The following CNGB3 variants were observed in gnomAD, a reference collection of about 807,000 sequenced individuals.
CNGB3 encodes the protein cyclic nucleotide gated channel subunit beta 3.
A neutral mutation model predicts 92.8 loss-of-function variants in CNGB3; 86 were observed. The observed-to-expected ratio is 0.93, with a 90% CI of 0.78 to 1.11. The LOEUF (loss-of-function observed/expected upper bound fraction) is 1.11. CNGB3 is among the 50% of genes least tolerant of loss of function. The pLI is 0.00. For synonymous variants in CNGB3, 333 were observed against 332.7 expected (o/e 1.00, Z -0.01); for missense variants, 1,026 against 956.8 (o/e 1.07, Z -0.95).
At chr8:86,604,269 T>A in intron 14 of CNGB3, 58 bp from the exon 15 acceptor site, 1 of 1,076,352 alleles carries the variant, frequency 9.3e-7, no homozygotes, top group Non-Finnish European at 1.4e-6. Context: ...AATTATGCTG[T>A]AAATTAAGAA....
chr8:86,584,127 A>G (rs568299204), intron 15 of CNGB3, among the ~76,000 whole-genome samples: 13 of 152,264 alleles, frequency 8.5e-5, no homozygotes, highest in Non-Finnish European at 1.8e-4. Flanking sequence ...TACCCCATCT[A>G]TCTATGTATC....
intron 7 of CNGB3, among the ~76,000 whole-genome samples, chr8:86,649,019 A>G (rs1296062971): frequency 1.3e-5 from 2 of 151,350 alleles, no homozygotes; most frequent in Non-Finnish European, 1.5e-5. Context: ...ACATACAAAA[A>G]TGACCAAGCT....
chr8:86,685,776 T>G (rs992229747), intron 3 of CNGB3, among the ~76,000 whole-genome samples: 6 of 152,236 alleles, frequency 3.9e-5, no homozygotes, highest in African/African-American at 1.4e-4. Context: ...GAGCTTTAAA[T>G]AGTCAGTATT....
At chr8:86,674,755 T>C (rs1307588024) in intron 3 of CNGB3, among the ~76,000 whole-genome samples, 1 of 152,122 alleles carries the variant, frequency 6.6e-6, no homozygotes, top group Non-Finnish European at 1.5e-5. Flanking sequence ...ACAATTTAAC[T>C]TTTGTGTGTG....
intron 6 of CNGB3, chr8:86,659,053 C>G (rs3779795): frequency 0.06 from 55,625 of 924,480 alleles, 1,956 homozygotes; most frequent in South Asian, 0.088. Context: ...TGCTCCACCT[C>G]AGAGGGCCCT....
intron 3 of CNGB3, among the ~76,000 whole-genome samples, chr8:86,685,142 A>G (rs1824161639): frequency 6.6e-6 from 1 of 152,086 alleles, no homozygotes; most frequent in Admixed American, 6.6e-5. Flanking sequence ...GGTATATGGG[A>G]TATTTCTGTA....
chr8:86,618,562 G>A (rs1195207379), intron 13 of CNGB3, among the ~76,000 whole-genome samples: 1 of 152,192 alleles, frequency 6.6e-6, no homozygotes, highest in Non-Finnish European at 1.5e-5. Context: ...CATGGCTGCA[G>A]TAGCTGGGCA....
chr8:86,685,459 C>T (rs1178523957), intron 3 of CNGB3, among the ~76,000 whole-genome samples: 2 of 152,070 alleles, frequency 1.3e-5, no homozygotes, highest in Non-Finnish European at 2.9e-5. Flanking sequence ...AGGAGTCTTG[C>T]AATTTTATAT....
intron 13 of CNGB3, among the ~76,000 whole-genome samples, chr8:86,621,347 G>T (rs1223539063): frequency 6.6e-6 from 1 of 152,016 alleles, no homozygotes; most frequent in Non-Finnish European, 1.5e-5. Flanking sequence ...TTTTCATTGT[G>T]CTTAGTACAC....
intron 14 of CNGB3, among the ~76,000 whole-genome samples, chr8:86,605,714 G>A (rs895103555): frequency 6.6e-6 from 1 of 152,134 alleles, no homozygotes; most frequent in Non-Finnish European, 1.5e-5. Flanking sequence ...AGTGCTGAAC[G>A]CAGGCTTGAC....
At chr8:86,629,952 C>T (rs1822928943) in intron 11 of CNGB3, among the ~76,000 whole-genome samples, 1 of 152,194 alleles carries the variant, frequency 6.6e-6, no homozygotes, top group Admixed American at 6.5e-5. Context: ...CTCACTTTCA[C>T]ACTCCTAAGA....
intron 14 of CNGB3, among the ~76,000 whole-genome samples, chr8:86,609,368 G>A (rs920806780): frequency 1.3e-5 from 2 of 152,132 alleles, no homozygotes; most frequent in Non-Finnish European, 2.9e-5. Flanking sequence ...CAATAAAATT[G>A]ATTTCATATC....
At chr8:86,655,822 T>C (rs952527908) in intron 6 of CNGB3, among the ~76,000 whole-genome samples, 2 of 152,200 alleles carry the variant, frequency 1.3e-5, no homozygotes, top group Non-Finnish European at 2.9e-5. Flanking sequence ...AGACCTAAAA[T>C]AATTAATTTG....
At chr8:86,661,721 G>A in intron 6 of CNGB3, 3 of 1,480,158 alleles carry the variant, frequency 2.0e-6, no homozygotes, top group Non-Finnish European at 2.8e-6. Context: ...CTGACCCATG[G>A]GTAGTGGTTG....
chr8:86,659,415 G>T (rs931676891), intron 6 of CNGB3: 7 of 700,514 alleles, frequency 1.0e-5, no homozygotes, highest in Non-Finnish European at 1.8e-5. Flanking sequence ...AGCTTCTTTT[G>T]CAGATCCTCC....
chr8:86,694,080 A>C (rs1380371283), intron 3 of CNGB3, among the ~76,000 whole-genome samples: 14 of 105,596 alleles, frequency 1.3e-4, no homozygotes, highest in South Asian at 3.8e-4. Context: ...GGGGGGGCTG[A>C]CCCCCCCACC....
At chr8:86,635,818 C>T (rs1447222868) in intron 10 of CNGB3, among the ~76,000 whole-genome samples, 1 of 93,900 alleles carries the variant, frequency 1.1e-5, no homozygotes, top group Non-Finnish European at 2.1e-5. Flanking sequence ...CTGTATAACA[C>T]ATGATATATA....
intron 6 of CNGB3, among the ~76,000 whole-genome samples, chr8:86,663,730 A>C (rs62528591): frequency 0.057 from 8,756 of 152,282 alleles, 412 homozygotes; most frequent in Non-Finnish European, 0.09. Flanking sequence ...ACCAAAATGT[A>C]ATCAAGTTTC....
intron 2 of CNGB3, among the ~76,000 whole-genome samples, chr8:86,735,316 G>A (rs1459899401): frequency 1.3e-5 from 2 of 151,184 alleles, no homozygotes; most frequent in East Asian, 1.9e-4. Context: ...CTAATTTTTT[G>A]TATTTTTAGT....
Sources: allele counts gnomAD v4.1 joint callset (sites outside exome capture counted in the v4.1 genomes callset), GRCh38; gene constraint gnomAD v4.1.1; transcripts MANE v1.5; gene names NCBI Gene and HGNC (gene_info 2026-07-23, HGNC 2026-07-21).